SLC35F1: variants seen among roughly 807,000 people sequenced by gnomAD.
SLC35F1 encodes the protein chromosome 6 open reading frame 169.
Under a neutral mutation model 48.7 loss-of-function variants are expected in SLC35F1, and 14 were observed. That is an observed-to-expected ratio of 0.29 (90% CI 0.19 to 0.45). SLC35F1 has a LOEUF of 0.45. Ranked by LOEUF, SLC35F1 falls within the 20% of genes least tolerant of loss-of-function variation. The probability of loss-of-function intolerance (pLI) is 1.00; values close to 1 mark genes in which losing one functional copy is unlikely to be tolerated. For synonymous variants in SLC35F1, 190 were observed against 202.2 expected, an observed-to-expected ratio of 0.94 and a Z score of 0.51; for missense variants, 404 against 500.0, an observed-to-expected ratio of 0.81 and a Z score of 1.83.
intron 2 of SLC35F1, among the ~76,000 whole-genome samples, chr6:118,231,025 A>G (rs1220943973): frequency 2.0e-5 from 3 of 152,106 alleles, no homozygotes; most frequent in African/African-American, 7.2e-5. Context: ...CAATATCAAG[A>G]TGATCATTTG....
Position 117,907,554 on chromosome 6 carries a change from G to A in SLC35F1, c.-173G>A. 2.7e-6 allele frequency: 1 copy of A among 372,616 alleles called. No individual in the cohort carries two copies. Among genetic ancestry groups the A allele is most frequent in the Non-Finnish European group, 4.7e-6 (1 of 210,952 alleles). The allele number at this position is 372,616 out of a possible 1,614,324, so 23.1% of individuals were successfully genotyped here. A position where few individuals can be genotyped will look rare whatever the true frequency, so the allele number is the denominator to read the frequency against. ...ACTGGAGAGGAGTGAGTGGCGGGCT[G>A]GGCGGCGGCGGCCGTAGCCGCGGGT... On this transcript the variant is annotated 5_prime_UTR_variant, in exon 1 of 8. Transcript: ENST00000360388.
chr6:118,241,578 CGTGTGTGT>C (rs10570595), intron 3 of SLC35F1, among the ~76,000 whole-genome samples: 5 of 147,370 alleles, frequency 3.4e-5, no homozygotes, highest in South Asian at 2.2e-4. Context: ...TTTTTACCTT[CGTGTGTGT>C]GTGTGTGTGT....
intron 2 of SLC35F1, among the ~76,000 whole-genome samples, chr6:118,223,520 T>C (rs978259926): frequency 6.6e-6 from 1 of 152,280 alleles, no homozygotes; most frequent in South Asian, 2.1e-4. Flanking sequence ...CTCTTAACCT[T>C]GAGTATAGGG....
intron 2 of SLC35F1, among the ~76,000 whole-genome samples, chr6:118,160,477 T>C (rs1774214108): frequency 6.6e-6 from 1 of 152,234 alleles, no homozygotes; most frequent in Non-Finnish European, 1.5e-5. Flanking sequence ...ATAGTGCTAA[T>C]AGAACACTCA....
chr6:118,029,723 A>G (rs934300730), intron 1 of SLC35F1, among the ~76,000 whole-genome samples: 2 of 152,168 alleles, frequency 1.3e-5, no homozygotes, highest in African/African-American at 4.8e-5. Context: ...ATGCTACAAA[A>G]TTTTATACTG....
chr6:118,074,643 G>C (rs1413830111), intron 1 of SLC35F1, among the ~76,000 whole-genome samples: 1 of 152,186 alleles, frequency 6.6e-6, no homozygotes, highest in Non-Finnish European at 1.5e-5. Context: ...GTTACTTTAA[G>C]ACAGGTAGAT....
At chr6:118,169,307 A>C (rs1562313375) in intron 2 of SLC35F1, among the ~76,000 whole-genome samples, 1 of 152,328 alleles carries the variant, frequency 6.6e-6, no homozygotes, top group East Asian at 1.9e-4. Context: ...CCTGCAAAGC[A>C]TAAAGGGAAT....
At chr6:117,991,877 CTGTT>C (rs1041182155) in intron 1 of SLC35F1, among the ~76,000 whole-genome samples, 10 of 152,116 alleles carry the variant, frequency 6.6e-5, no homozygotes, top group African/African-American at 1.9e-4. Context: ...AAAAATGTCT[CTGTT>C]TGTGTCCAAC....
In SLC35F1 at chr6:118,235,633, C is replaced by A; in HGVS notation, c.474C>A (p.Ile158=). ...ACCAATACACAACTCTGACCAGTAT[C>A]CAGGTACCCATGGTTCTTCTTCCCT... ...KAYQYTTLTS[I]QLLDCFVIPV... Residue 158 remains isoleucine, a synonymous_variant, in exon 3 of 8, where the codon ATC becomes ATA. Coordinates refer to ENST00000360388, the MANE Select transcript of SLC35F1 (RefSeq NM_001029858.4). 1.9e-6 allele frequency: 3 copies of A among 1,611,638 alleles called. No individual in the cohort carries two copies. The highest frequency in any genetic ancestry group is 2.5e-6 in the Non-Finnish European group (3 of 1,179,022).
chr6:118,228,763 G>T (rs747824020), intron 2 of SLC35F1, among the ~76,000 whole-genome samples: 1 of 151,958 alleles, frequency 6.6e-6, no homozygotes, highest in African/African-American at 2.4e-5. Flanking sequence ...TGATATTAAG[G>T]CATCACACTG....
Position 118,314,326 on chromosome 6 carries a change from G to C in SLC35F1, c.*74G>C. 4 of 1,358,358 alleles carry C rather than the reference G, an allele frequency of 2.9e-6. No individual in the cohort carries two copies. Among genetic ancestry groups the C allele is most frequent in the Non-Finnish European group, 4.2e-6 (4 of 962,474 alleles). 84.1% of individuals were successfully genotyped at this position (1,358,358 alleles called of 1,614,324 possible). A position where few individuals can be genotyped will look rare whatever the true frequency, so the allele number is the denominator to read the frequency against. ...GCCCATCATCTCTGTATTGTACATA[G>C]AGAAAGGTATTTACTAGGTGCAGTT... On this transcript the variant is annotated 3_prime_UTR_variant, in exon 8 of 8. Coordinates refer to ENST00000360388, the MANE Select transcript of SLC35F1 (RefSeq NM_001029858.4).
chr6:118,185,228 A>G (rs1774639347), intron 2 of SLC35F1, among the ~76,000 whole-genome samples: 1 of 152,162 alleles, frequency 6.6e-6, no homozygotes, highest in African/African-American at 2.4e-5. Flanking sequence ...GCAGGAGTTA[A>G]GTGCTGCTTT....
At chr6:117,925,961 G>C (rs1776021726) in intron 1 of SLC35F1, among the ~76,000 whole-genome samples, 2 of 152,122 alleles carry the variant, frequency 1.3e-5, no homozygotes. Context: ...TTTATTCTGA[G>C]CCTGCTTTGC....
At chr6:117,936,194 G>A (rs1776160572) in intron 1 of SLC35F1, among the ~76,000 whole-genome samples, 1 of 152,152 alleles carries the variant, frequency 6.6e-6, no homozygotes, top group Non-Finnish European at 1.5e-5. Flanking sequence ...TGCCAAGTGT[G>A]GTGTTTAAAT....
chr6:118,112,325 A>T (rs890069865), intron 1 of SLC35F1, among the ~76,000 whole-genome samples: 1 of 152,102 alleles, frequency 6.6e-6, no homozygotes, highest in Admixed American at 6.6e-5. Flanking sequence ...CTTGCAAAGT[A>T]TAGTAATTAA....
In SLC35F1 at chr6:118,249,424, A is replaced by G. The variant is rs114011827; in HGVS notation, c.477+13788A>G. Among the ~76,000 whole-genome samples, 1,324 of 152,334 alleles carry G rather than the reference A, an allele frequency of 8.7e-3. 25 individuals carry two copies. Among genetic ancestry groups the G allele is most frequent in the African/African-American group, 0.03 (1,230 of 41,574 alleles). On this transcript the variant is annotated intron_variant, in intron 3 of 7. Transcript: ENST00000360388. ...CTGTCTGCCCAAATAGATGCACATGAAAACACTTCTACACCTTGACTGGTT... is the reference window on the plus strand; with the variant it reads ...CTGTCTGCCCAAATAGATGCACATGGAAACACTTCTACACCTTGACTGGTT...
At position 117,954,405 on chromosome 6, in the gene SLC35F1, G is replaced by A. The variant is rs536967682; in HGVS notation, c.173+46506G>A. 7.2e-4 allele frequency among the ~76,000 whole-genome samples: 109 copies of A among 152,160 alleles called. 1 individual carries two copies. The Middle Eastern group carries it at 0.014, about 19-fold the overall frequency. On this transcript the variant is annotated intron_variant, in intron 1 of 7. Transcript: ENST00000360388. The stretch of plus-strand genomic sequence containing the variant: ...CGAGTAGCTGGGATTACAGGCACCC[G>A]CCACCATGCCTGGCTAAATTTTTTT...
Position 118,219,635 on chromosome 6 carries a change from A to T in SLC35F1, c.350-15874A>T, listed in dbSNP as rs562981033. ...CAAGGATCTAGAACCTCAAGGATCT[A>T]GAATACCATTTGACCCAGCCATCCC... On this transcript the variant is annotated intron_variant, in intron 2 of 7. Coordinates refer to ENST00000360388, the MANE Select transcript of SLC35F1 (RefSeq NM_001029858.4). 3.3e-5 allele frequency among the ~76,000 whole-genome samples: 5 copies of T among 152,122 alleles called. No individual in the cohort carries two copies. The South Asian group carries it at 8.3e-4, about 25-fold the overall frequency.
chr6:117,999,918 A>G (rs1241210065), intron 1 of SLC35F1, among the ~76,000 whole-genome samples: 1 of 152,112 alleles, frequency 6.6e-6, no homozygotes, highest in Non-Finnish European at 1.5e-5. Context: ...GAATCTCTGA[A>G]TAGACCAATA....
Sources: gnomAD v4.1 joint callset for allele counts (sites outside exome capture counted in the v4.1 genomes callset) on GRCh38, gnomAD v4.1.1 for gene constraint, MANE v1.5 for transcripts, NCBI Gene and HGNC (gene_info 2026-07-23, HGNC 2026-07-21) for gene names.